Variants in SV2B observed in about 807,000 individuals in gnomAD.
SV2B encodes the protein solute carrier family 22 member B2.
A neutral mutation model predicts 73.9 loss-of-function variants in SV2B; 41 were observed. The ratio of observed to expected loss-of-function variants is 0.56; its 90% confidence interval spans 0.43 to 0.72. The LOEUF (loss-of-function observed/expected upper bound fraction) is 0.72. Ranked by LOEUF, SV2B falls within the 30% of genes least tolerant of loss-of-function variation. The pLI, the probability that SV2B is intolerant of heterozygous loss-of-function variation, is 0.00. For synonymous variants in SV2B, 314 were observed against 314.2 expected (o/e 1.00, Z 0.01); for missense variants, 764 against 857.8 (o/e 0.89, Z 1.37).
At chr15:91,292,305 A>C in intron 12 of SV2B, 64 bp from the exon 13 acceptor site, 1 of 1,486,400 alleles carries the variant, frequency 6.7e-7, no homozygotes, top group Non-Finnish European at 9.1e-7. Context: ...GAAAAGAAAG[A>C]GCCCAGTCCT....
rs962588671 is a variant in SV2B, at chr15:91,302,190, G to A, written c.*9638G>A. Among the ~76,000 whole-genome samples the A allele has an allele frequency of 3.3e-5, 5 of 152,198 alleles. No individual in the cohort carries two copies. The highest frequency in any genetic ancestry group is 2.6e-4 in the Admixed American group (4 of 15,282). On this transcript the variant is annotated 3_prime_UTR_variant, in exon 13 of 13. Transcript: ENST00000394232. ...GGTCTCAATAGATGATGAATAGACC[G>A]ATGAATGAGCACATGAGTTGAATGG...
chr15:91,194,449 T>G (rs1169140468), intron 1 of SV2B, among the ~76,000 whole-genome samples: 2 of 152,210 alleles, frequency 1.3e-5, no homozygotes, highest in East Asian at 3.9e-4. Context: ...TGTGTATGTC[T>G]TTTGGTGGCC....
Position 91,267,743 on chromosome 15 carries a change from G to T in SV2B, c.1208+100G>T. The T allele has an allele frequency of 1.0e-6, 1 of 998,618 alleles. No individual in the cohort carries two copies. Among genetic ancestry groups the T allele is most frequent in the South Asian group, 1.4e-5 (1 of 72,204 alleles). 61.9% of individuals were successfully genotyped at this position (998,618 alleles called of 1,614,324 possible). On this transcript the variant is annotated intron_variant, in intron 8 of 12. Transcript: ENST00000394232. This position sits in a 1 kb window ranked among gnomAD's most constrained non-coding sequence, Gnocchi z 4.3. ...GAGTTCTGACTTAGAATTTGTATCA[G>T]GTAGGATGCTTTGGTGGCAAGTAGC...
intron 1 of SV2B, among the ~76,000 whole-genome samples, chr15:91,205,844 T>C (rs1197444046): frequency 6.6e-5 from 10 of 152,204 alleles, no homozygotes; most frequent in African/African-American, 2.2e-4. Flanking sequence ...GTTCAGTTAA[T>C]GTATAAAATC....
In SV2B at chr15:91,165,209, C is replaced by A. The variant is rs544685133; in HGVS notation, c.-391-60664C>A. On this transcript the variant is annotated intron_variant, in intron 1 of 12. Transcript: ENST00000394232. ...AAAATTAGCCAGGTGTGGTGGCGAG[C>A]CCCTGTAATCCCAGCTACCTGGAAG... 3.9e-5 allele frequency among the ~76,000 whole-genome samples: 6 copies of A among 152,170 alleles called. No homozygotes were observed. The South Asian group carries it at 1.2e-3, about 32-fold the overall frequency.
Position 91,252,543 on chromosome 15 carries a change from C to A in SV2B, c.784+23C>A. 6.4e-7 allele frequency: 1 copy of A among 1,563,208 alleles called. No individual in the cohort carries two copies. The highest frequency in any genetic ancestry group is 8.7e-7 in the Non-Finnish European group (1 of 1,154,038). On this transcript the variant is annotated intron_variant, in intron 4 of 12. Transcript: ENST00000394232. The surrounding 1 kb of genome is among the most constrained non-coding windows in gnomAD (Gnocchi z 4.6). ...ATGGTGAGTCATGGCTCCAAACAGC[C>A]TAGGGGGCCCTGTTTCTATGGCTCC...
Position 91,226,429 on chromosome 15 carries a change from C to T in SV2B, c.166C>T (p.Pro56Ser), listed in dbSNP as rs1350298357. The T allele has an allele frequency of 1.2e-6, 2 of 1,614,096 alleles. No individual in the cohort carries two copies. Among genetic ancestry groups the T allele is most frequent in the Admixed American group, 1.7e-5 (1 of 60,018 alleles). Reference protein sequence around the residue: ...YEGEYQGIPHPDDVKAKQAKM... With the variant: ...YEGEYQGIPHSDDVKAKQAKM... ...GGGCGAGTACCAGGGTATCCCTCAC[C>T]CAGATGATGTCAAGGCCAAGCAGGC... is the stretch of plus-strand genomic sequence containing the variant. The change falls in exon 2 of 13, where the codon CCA (proline) becomes TCA (serine). Residue 56 changes from proline (P) to serine (S), a missense_variant. By Grantham distance (74) the Pro-to-Ser change is moderately conservative (BLOSUM62 -1). Coordinates refer to ENST00000394232, the MANE Select transcript of SV2B (RefSeq NM_001323032.3).
chr15:91,163,305 T>G lies in SV2B; in HGVS notation c.-391-62568T>G, dbSNP rs538921409. 2.0e-5 allele frequency among the ~76,000 whole-genome samples: 3 copies of G among 152,284 alleles called. No individual in the cohort carries two copies. The East Asian group carries it at 5.8e-4, about 29-fold the overall frequency. ...GTAGTGGGATGGCTGGGTCAAATGG[T>G]ATTTCTAGTTCTAGATCCCTGAGGA... On this transcript the variant is annotated intron_variant, in intron 1 of 12. Coordinates refer to ENST00000394232, the MANE Select transcript of SV2B (RefSeq NM_001323032.3).
rs2044271789 is a variant in SV2B at position 91,175,497 on chromosome 15, G to A, written c.-391-50376G>A. Among the ~76,000 whole-genome samples the A allele has an allele frequency of 3.3e-5, 5 of 152,052 alleles. No individual in the cohort carries two copies. In the South Asian group the frequency reaches 8.3e-4, roughly 25 times the overall value. On this transcript the variant is annotated intron_variant, in intron 1 of 12. Coordinates refer to ENST00000394232, the MANE Select transcript of SV2B (RefSeq NM_001323032.3). ...TCTCGATCTCCTGACCTCGTGATCC[G>A]CCAGCCTCAGCCTCCCAAAGTGCTG... is the stretch of plus-strand genomic sequence containing the variant.
In SV2B at chr15:91,261,716, C is replaced by G. The variant is rs1033421847; in HGVS notation, c.1008+1307C>G. Among the ~76,000 whole-genome samples, 2 of 152,214 alleles carry G rather than the reference C, an allele frequency of 1.3e-5. No homozygotes were observed. Among genetic ancestry groups the G allele is most frequent in the Admixed American group, 6.5e-5 (1 of 15,286 alleles). ...GCAATAGAGGACCCATTTCTTTACA[C>G]CCTTACCATCAGTGGCTATTAGTCT... On this transcript the variant is annotated intron_variant, in intron 6 of 12. Coordinates refer to ENST00000394232, the MANE Select transcript of SV2B (RefSeq NM_001323032.3). The surrounding 1 kb of genome is among the most constrained non-coding windows in gnomAD (Gnocchi z 4.7).
At position 91,158,689 on chromosome 15, in the gene SV2B, CTCTT is replaced by C. The variant is rs1567300597; in HGVS notation, c.-392+58327_-392+58330del. On this transcript the variant is annotated intron_variant, in intron 1 of 12. Transcript: ENST00000394232. Reference sequence around the variant, plus strand: ...CTCTTCTCTTCTCTTCTCTTCTCTTCTCTTCTCTTCTCTCCTCTCCTCTCCTCTC... The same window carrying C: ...CTCTTCTCTTCTCTTCTCTTCTCTTCCTCTTCTCTCCTCTCCTCTCCTCTC... 6.7e-3 allele frequency among the ~76,000 whole-genome samples: 557 copies of C among 83,422 alleles called. 13 individuals carry two copies. The highest frequency in any genetic ancestry group is 0.016 in the Middle Eastern group (3 of 190). The allele number at this position is 83,422 out of a possible 152,430, so 54.7% of individuals were successfully genotyped here.
At position 91,253,146 on chromosome 15, in the gene SV2B, C is replaced by G. The variant is rs1596699696; in HGVS notation, c.784+626C>G. On this transcript the variant is annotated intron_variant, in intron 4 of 12. Coordinates refer to ENST00000394232, the MANE Select transcript of SV2B (RefSeq NM_001323032.3). The surrounding 1 kb of genome is among the most constrained non-coding windows in gnomAD (Gnocchi z 5.0). ...TCTCTGGACAGAGACCTGGCAACAT[C>G]AACTTTTACTACTGGTTTCGTCAAG... Among the ~76,000 whole-genome samples the G allele has an allele frequency of 6.6e-6, 1 of 152,354 alleles. No individual in the cohort carries two copies. The highest frequency in any genetic ancestry group is 2.4e-5 in the African/African-American group (1 of 41,580).
At chr15:91,170,230 C>T (rs932402434) in intron 1 of SV2B, among the ~76,000 whole-genome samples, 4 of 151,934 alleles carry the variant, frequency 2.6e-5, no homozygotes, top group African/African-American at 7.3e-5. Flanking sequence ...GACAGACACC[C>T]GAATTTTTTT....
intron 1 of SV2B, among the ~76,000 whole-genome samples, chr15:91,198,022 G>A (rs181550598): frequency 6.6e-6 from 1 of 152,256 alleles, no homozygotes; most frequent in Non-Finnish European, 1.5e-5. Context: ...GCAACAGAGC[G>A]AGAGTCCGTC....
intron 11 of SV2B, among the ~76,000 whole-genome samples, chr15:91,286,691 C>T (rs910394962): frequency 6.6e-6 from 1 of 152,074 alleles, no homozygotes; most frequent in Non-Finnish European, 1.5e-5. Flanking sequence ...CTCACAATAA[C>T]CCTATGAGGT....
Position 91,229,911 on chromosome 15 carries a change from C to G in SV2B, c.451+3197C>G, listed in dbSNP as rs1346433561. Among the ~76,000 whole-genome samples, 1 of 152,196 alleles carries G rather than the reference C, an allele frequency of 6.6e-6. No homozygotes were observed. The highest frequency in any genetic ancestry group is 1.5e-5 in the Non-Finnish European group (1 of 68,036). On this transcript the variant is annotated intron_variant, in intron 2 of 12. Transcript: ENST00000394232. This position sits in a 1 kb window ranked among gnomAD's most constrained non-coding sequence, Gnocchi z 4.3. ...TGTTTATGTTTGAGTGCTGCTAACT[C>G]AGTTCTGTCTTTCCCCATCCTCTCT...
At chr15:91,212,596 C>T (rs1036238016) in intron 1 of SV2B, among the ~76,000 whole-genome samples, 13 of 152,064 alleles carry the variant, frequency 8.5e-5, no homozygotes, top group Non-Finnish European at 1.9e-4. Context: ...ACAGTAAGTG[C>T]TCTTTGTTGG....
chr15:91,252,569 T>G lies in SV2B; in HGVS notation c.784+49T>G. On this transcript the variant is annotated intron_variant, in intron 4 of 12. Transcript: ENST00000394232. The surrounding 1 kb of genome is among the most constrained non-coding windows in gnomAD (Gnocchi z 4.6). ...TAGGGGGCCCTGTTTCTATGGCTCC[T>G]GCACCCAAACAATAGTTCCTGTCCT... 6.5e-7 allele frequency: 1 copy of G among 1,526,784 alleles called. No individual in the cohort carries two copies. The highest frequency in any genetic ancestry group is 1.4e-5 in the African/African-American group (1 of 71,972). The allele number at this position is 1,526,784 out of a possible 1,614,324, so 94.6% of individuals were successfully genotyped here. A position where few individuals can be genotyped will look rare whatever the true frequency, so the allele number is the denominator to read the frequency against.
At chr15:91,230,059 G>T (rs1267835600) in intron 2 of SV2B, among the ~76,000 whole-genome samples, 1 of 152,010 alleles carries the variant, frequency 6.6e-6, no homozygotes, top group Non-Finnish European at 1.5e-5. Context: ...TGGGCAACAT[G>T]GTGAAACCCG....
Sources: allele counts gnomAD v4.1 joint callset (sites outside exome capture counted in the v4.1 genomes callset), GRCh38; gene constraint gnomAD v4.1.1; non-coding constraint Gnocchi (gnomAD v3.1); transcripts MANE v1.5; gene names NCBI Gene and HGNC (gene_info 2026-07-23, HGNC 2026-07-21).